Variants in GRID1 observed in about 807,000 individuals in gnomAD.
GRID1 encodes the protein glutamate receptor ionotropic, delta-1.
In GRID1, 28 loss-of-function variants were observed where a neutral mutation model predicts 98.0. That is an observed-to-expected ratio of 0.29 (90% CI 0.21 to 0.39). The LOEUF is 0.39. Ranked by LOEUF, GRID1 falls within the 10% of genes least tolerant of loss-of-function variation. GRID1 has a pLI of 1.00. For missense variants in GRID1, 1,111 were observed against 1,340.5 expected (o/e 0.83, Z 2.67); for synonymous variants, 553 against 538.5 (o/e 1.03, Z -0.37).
intron 4 of GRID1, among the ~76,000 whole-genome samples, chr10:86,020,692 C>G (rs1487618081): frequency 6.6e-6 from 1 of 152,166 alleles, no homozygotes; most frequent in East Asian, 1.9e-4. Context: ...AAAGCATCAT[C>G]TGAGGTCAGC....
chr10:85,616,915 T>C (rs922627218), intron 14 of GRID1, among the ~76,000 whole-genome samples: 1 of 152,174 alleles, frequency 6.6e-6, no homozygotes, highest in Non-Finnish European at 1.5e-5. Flanking sequence ...TGCTAAACAT[T>C]TATTGAATGC....
At chr10:85,761,834 C>T (rs1241859288) in intron 8 of GRID1, among the ~76,000 whole-genome samples, 2 of 152,092 alleles carry the variant, frequency 1.3e-5, no homozygotes, top group Non-Finnish European at 2.9e-5. Context: ...CACACACACA[C>T]TTTCAAAGTC....
chr10:86,247,912 A>C (rs117098074), intron 2 of GRID1, among the ~76,000 whole-genome samples: 2,096 of 152,260 alleles, frequency 0.014, 29 homozygotes, highest in Middle Eastern at 0.048. Flanking sequence ...CTGAACACCA[A>C]ACATGTGTTG....
intron 8 of GRID1, among the ~76,000 whole-genome samples, chr10:85,754,228 G>A (rs967906817): frequency 2.0e-5 from 3 of 152,080 alleles, no homozygotes; most frequent in Admixed American, 6.6e-5. Flanking sequence ...TCAAATGTGG[G>A]CAATAGTTCA....
At position 86,356,781 on chromosome 10, in the gene GRID1, G is replaced by C. The variant is rs1484306370; in HGVS notation, c.235+7160C>G. On this transcript the variant is annotated intron_variant, in intron 2 of 15. Transcript: ENST00000327946. ...CACAGGCACAGCCATGGGTAACCAA[G>C]TGTAAAAAGAATCACATCCAGGGAT... 9.2e-5 allele frequency among the ~76,000 whole-genome samples: 14 copies of C among 152,348 alleles called. No individual in the cohort carries two copies. In the East Asian group the frequency reaches 2.7e-3, roughly 29 times the overall value.
chr10:86,264,916 C>A, intron 2 of GRID1: 2 of 374,176 alleles, frequency 5.3e-6, no homozygotes, highest in Non-Finnish European at 1.1e-5. Context: ...GGCTACTCCC[C>A]GGCCCCCAGG....
chr10:86,261,192 T>G (rs116374430), intron 2 of GRID1, among the ~76,000 whole-genome samples: 2 of 152,200 alleles, frequency 1.3e-5, no homozygotes, highest in Non-Finnish European at 2.9e-5. Context: ...AACTGAGGCT[T>G]ACACAAGTTA....
intron 4 of GRID1, among the ~76,000 whole-genome samples, chr10:86,080,840 C>G (rs1156980718): frequency 6.6e-6 from 1 of 152,064 alleles, no homozygotes; most frequent in Non-Finnish European, 1.5e-5. Context: ...CAGATTTTAC[C>G]ACCAAGGGAC....
At chr10:85,920,033 C>G (rs546934867) in intron 4 of GRID1, among the ~76,000 whole-genome samples, 1 of 152,138 alleles carries the variant, frequency 6.6e-6, no homozygotes, top group Non-Finnish European at 1.5e-5. Flanking sequence ...CAGAGTGCCA[C>G]GAAAACAAAT....
chr10:86,364,139 C>G (rs1388066475), intron 1 of GRID1, 43 bp from the exon 2 acceptor site: 1 of 1,571,840 alleles, frequency 6.4e-7, no homozygotes, highest in Admixed American at 1.7e-5. Context: ...GACAAGAACC[C>G]TCTCCCCGCT....
intron 8 of GRID1, among the ~76,000 whole-genome samples, chr10:85,819,047 A>T (rs1590246031): frequency 6.6e-6 from 1 of 152,120 alleles, no homozygotes; most frequent in Non-Finnish European, 1.5e-5. Context: ...TAACTCAAAG[A>T]TTGGCATAAA....
chr10:86,327,144 C>A (rs1346178055), intron 2 of GRID1, among the ~76,000 whole-genome samples: 2 of 152,120 alleles, frequency 1.3e-5, no homozygotes, highest in African/African-American at 4.8e-5. Flanking sequence ...TCAAAAACAA[C>A]AACAAAAAGA....
At chr10:86,105,140 T>C (rs775399939) in intron 4 of GRID1, among the ~76,000 whole-genome samples, 4 of 152,096 alleles carry the variant, frequency 2.6e-5, no homozygotes, top group African/African-American at 9.7e-5. Context: ...TCCCAGGAAG[T>C]TGGAGAAGCA....
intron 8 of GRID1, among the ~76,000 whole-genome samples, chr10:85,802,932 CA>C (rs147991160): frequency 0.014 from 2,006 of 147,750 alleles, 73 homozygotes; most frequent in Admixed American, 0.069. Context: ...ATCTAAAAAT[CA>C]AAACAATTGA....
intron 4 of GRID1, among the ~76,000 whole-genome samples, chr10:86,103,284 C>A (rs1844326294): frequency 6.6e-6 from 1 of 152,170 alleles, no homozygotes; most frequent in Admixed American, 6.5e-5. Context: ...AGTCGGCTGC[C>A]ACTCTGCCAC....
chr10:85,805,153 G>A (rs984183477), intron 8 of GRID1, among the ~76,000 whole-genome samples: 1 of 151,310 alleles, frequency 6.6e-6, no homozygotes, highest in African/African-American at 2.4e-5. Context: ...TAAAATTCTA[G>A]ATCTAATACA....
At chr10:85,968,378 G>A (rs1215941749) in intron 4 of GRID1, among the ~76,000 whole-genome samples, 2 of 151,108 alleles carry the variant, frequency 1.3e-5, no homozygotes, top group Non-Finnish European at 2.9e-5. Flanking sequence ...ATGAACCCGG[G>A]AGGCGGAGCT....
At position 85,958,079 on chromosome 10, in the gene GRID1, C is replaced by T. The variant is rs374405593; in HGVS notation, c.727-41840G>A. 7.9e-5 allele frequency among the ~76,000 whole-genome samples: 12 copies of T among 152,354 alleles called. No individual in the cohort carries two copies. The East Asian group carries it at 1.7e-3, about 22-fold the overall frequency. On this transcript the variant is annotated intron_variant, in intron 4 of 15. Coordinates refer to ENST00000327946, the MANE Select transcript of GRID1 (RefSeq NM_017551.3). ...GGACAACAAAGGCAAACCTCACAGGCCCAGGGCCAATAACCTCTAGAAACC... is the reference window on the plus strand; with the variant it reads ...GGACAACAAAGGCAAACCTCACAGGTCCAGGGCCAATAACCTCTAGAAACC...
chr10:85,846,638 A>G (rs1308828762), intron 8 of GRID1, among the ~76,000 whole-genome samples: 3 of 152,242 alleles, frequency 2.0e-5, no homozygotes, highest in Non-Finnish European at 4.4e-5. Context: ...AAATCAATAG[A>G]AAAAACTGCT....
Sources: allele counts gnomAD v4.1 joint callset (sites outside exome capture counted in the v4.1 genomes callset), GRCh38; gene constraint gnomAD v4.1.1; transcripts MANE v1.5; gene names NCBI Gene and HGNC (gene_info 2026-07-23, HGNC 2026-07-21).